The following SHISA6 variants were observed in gnomAD, a reference collection of about 807,000 sequenced individuals.
SHISA6 encodes the protein protein shisa-6.
A neutral mutation model predicts 47.9 loss-of-function variants in SHISA6; 22 were observed. The ratio of observed to expected loss-of-function variants is 0.46; its 90% CI spans 0.33 to 0.66. The LOEUF is 0.66. Among genes scored for constraint, SHISA6 ranks in the 30% least tolerant of loss-of-function variants. SHISA6 has a pLI of 0.02. For missense variants in SHISA6, 680 were observed against 764.6 expected (o/e 0.89, Z 1.30); for synonymous variants, 388 against 337.8 (o/e 1.15, Z -1.63).
Position 11,471,630 on chromosome 17 carries a change from G to A in SHISA6, c.896-80266G>A, listed in dbSNP as rs143425810. ...CACTTGACTCTTAGGACATCTTCCT[G>A]TCATCTACTACAGTCAGTAATCAAC... On this transcript the variant is annotated intron_variant, in intron 3 of 5. Transcript: ENST00000441885. Among the ~76,000 whole-genome samples, 40 of 152,264 alleles carry A rather than the reference G, an allele frequency of 2.6e-4. No individual in the cohort carries two copies. The East Asian group carries it at 7.3e-3, about 28-fold the overall frequency.
At chr17:11,547,732 A>C (rs2071895007) in intron 3 of SHISA6, among the ~76,000 whole-genome samples, 1 of 152,214 alleles carries the variant, frequency 6.6e-6, no homozygotes, top group African/African-American at 2.4e-5. Context: ...AGAGTTAAAA[A>C]ATTATAGAAC....
At position 11,379,400 on chromosome 17, in the gene SHISA6, C is replaced by T; in HGVS notation, c.800-14C>T. On this transcript the variant is annotated splice_polypyrimidine_tract_variant and intron_variant, in intron 2 of 5. Coordinates refer to ENST00000441885, the MANE Select transcript of SHISA6 (RefSeq NM_207386.4). ...CGTGGATGCGCCAGGTAATTCTGCC[C>T]CATCTTCTTGCAGGGCATTATGGGA... The T allele has an allele frequency of 2.0e-6, 3 of 1,527,652 alleles. No individual in the cohort carries two copies. The South Asian group carries it at 3.7e-5, about 19-fold the overall frequency. The allele number at this position is 1,527,652 out of a possible 1,614,324, so 94.6% of individuals were successfully genotyped here. A position where few individuals can be genotyped will look rare whatever the true frequency, so the allele number is the denominator to read the frequency against.
intron 3 of SHISA6, among the ~76,000 whole-genome samples, chr17:11,524,185 G>A (rs935425008): frequency 7.9e-5 from 12 of 152,058 alleles, no homozygotes; most frequent in African/African-American, 2.7e-4. Context: ...ATAGGGCCCC[G>A]AAACTACTGA....
rs1425263745 is a variant in SHISA6 at position 11,241,851 on chromosome 17, CA to C, written c.431del (p.Asn144ThrfsTer41). 1 of 1,551,154 alleles carries C rather than the reference CA, an allele frequency of 6.4e-7. No homozygotes were observed. Among genetic ancestry groups the C allele is most frequent in the African/African-American group, 1.4e-5 (1 of 73,058 alleles). On this transcript the variant is annotated frameshift_variant, in exon 1 of 6. Coordinates refer to ENST00000441885, the MANE Select transcript of SHISA6 (RefSeq NM_207386.4). LOFTEE classifies it high-confidence loss of function. This position sits in a 1 kb window ranked among gnomAD's most constrained non-coding sequence, Gnocchi z 5.5. ...HEKLDQRQCT[N>X]YQSPVWVQTP... ...AGAAGCTGGACCAGCGCCAGTGCAC[CA>C]ACTACCAGAGCCCGGTGTGGGTACA...
intron 3 of SHISA6, among the ~76,000 whole-genome samples, chr17:11,506,963 T>C (rs1459717736): frequency 6.6e-6 from 1 of 152,138 alleles, no homozygotes; most frequent in Non-Finnish European, 1.5e-5. Flanking sequence ...TGTCTGCTAG[T>C]GAAGAGATGA....
chr17:11,277,280 T>TCTCACACACA (rs1386997909), intron 2 of SHISA6, among the ~76,000 whole-genome samples: 31 of 53,926 alleles, frequency 5.7e-4, no homozygotes, highest in East Asian at 3.6e-3. Context: ...TCTCTCTCTC[T>TCTCACACACA]CACACACACA....
intron 3 of SHISA6, among the ~76,000 whole-genome samples, chr17:11,480,653 A>C (rs889380437): frequency 1.3e-5 from 2 of 152,202 alleles, no homozygotes; most frequent in African/African-American, 4.8e-5. Flanking sequence ...TACCTACAAG[A>C]CAGAAAAAGC....
intron 2 of SHISA6, among the ~76,000 whole-genome samples, chr17:11,364,810 C>T (rs1204352094): frequency 6.6e-6 from 1 of 152,164 alleles, no homozygotes; most frequent in East Asian, 1.9e-4. Flanking sequence ...TTTTGCATTC[C>T]CACCAGCAGT....
At chr17:11,342,532 G>A (rs191993507) in intron 2 of SHISA6, among the ~76,000 whole-genome samples, 3 of 152,298 alleles carry the variant, frequency 2.0e-5, no homozygotes, top group African/African-American at 4.8e-5. Flanking sequence ...TATGATAAAA[G>A]GATAGTAAGA....
At chr17:11,391,801 C>T (rs561077682) in intron 3 of SHISA6, among the ~76,000 whole-genome samples, 1 of 152,282 alleles carries the variant, frequency 6.6e-6, no homozygotes, top group South Asian at 2.1e-4. Context: ...CAAGGTAAGA[C>T]ACTTCCTAAA....
At chr17:11,384,395 G>A (rs73282855) in intron 3 of SHISA6, among the ~76,000 whole-genome samples, 2,462 of 152,342 alleles carry the variant, frequency 0.016, 67 homozygotes, top group African/African-American at 0.055. Context: ...ACACTAGATT[G>A]GCAGGGACTG....
chr17:11,260,562 G>A (rs905727045), intron 1 of SHISA6, among the ~76,000 whole-genome samples: 1 of 151,684 alleles, frequency 6.6e-6, no homozygotes, highest in South Asian at 2.1e-4. Context: ...TTTTATCTCT[G>A]GATTTCCCTT....
chr17:11,473,111 C>T (rs950833331), intron 3 of SHISA6, among the ~76,000 whole-genome samples: 11 of 152,154 alleles, frequency 7.2e-5, no homozygotes, highest in African/African-American at 2.7e-4. Flanking sequence ...AGGCTGTACT[C>T]ATCTTCTCAT....
At chr17:11,522,767 A>C (rs1273369877) in intron 3 of SHISA6, among the ~76,000 whole-genome samples, 2 of 152,212 alleles carry the variant, frequency 1.3e-5, no homozygotes, top group African/African-American at 4.8e-5. Context: ...ACCCAAACCC[A>C]TGACCAGGAT....
intron 2 of SHISA6, chr17:11,288,448 C>A (rs1350619561): frequency 6.6e-6 from 1 of 151,094 alleles, no homozygotes; most frequent in African/African-American, 2.4e-5. Flanking sequence ...CTCTCTTTTT[C>A]CTCCTTCTCT....
intron 2 of SHISA6, among the ~76,000 whole-genome samples, chr17:11,353,235 G>T (rs1038077397): frequency 6.6e-6 from 1 of 152,108 alleles, no homozygotes; most frequent in Non-Finnish European, 1.5e-5. Flanking sequence ...GAGGCTGGCG[G>T]ATCACGAGGT....
chr17:11,359,958 A>G (rs1165722586), intron 2 of SHISA6, among the ~76,000 whole-genome samples: 1 of 152,230 alleles, frequency 6.6e-6, no homozygotes, highest in Non-Finnish European at 1.5e-5. Flanking sequence ...CAGCAATCCC[A>G]TTACTGGGTA....
chr17:11,326,249 C>A (rs1272949620), intron 2 of SHISA6, among the ~76,000 whole-genome samples: 1 of 147,828 alleles, frequency 6.8e-6, no homozygotes, highest in African/African-American at 2.5e-5. Context: ...CCAGCCTGGG[C>A]GACAGAGTGA....
At chr17:11,445,117 T>G (rs1293545370) in intron 3 of SHISA6, among the ~76,000 whole-genome samples, 1 of 152,062 alleles carries the variant, frequency 6.6e-6, no homozygotes, top group East Asian at 1.9e-4. Flanking sequence ...TAGGAAAGCA[T>G]CTCAAGATCA....
Sources: gnomAD v4.1 joint callset for allele counts (sites outside exome capture counted in the v4.1 genomes callset) on GRCh38, gnomAD v4.1.1 for gene constraint, Gnocchi (gnomAD v3.1) non-coding constraint, MANE v1.5 for transcripts, NCBI Gene and HGNC (gene_info 2026-07-23, HGNC 2026-07-21) for gene names.